The following SFMBT1 variants were observed in gnomAD, a reference collection of about 807,000 sequenced individuals.
SFMBT1 encodes the protein scm-like with four MBT domains protein 1.
In SFMBT1, 32 loss-of-function variants were observed where a neutral mutation model predicts 108.7. That is an observed-to-expected ratio of 0.29 (90% CI 0.22 to 0.40). SFMBT1 has a LOEUF of 0.40. Ranked by LOEUF, SFMBT1 falls within the 10% of genes least tolerant of loss-of-function variation. The pLI is 1.00. For missense variants in SFMBT1, 816 were observed against 1,059.6 expected (o/e 0.77, Z 3.19); for synonymous variants, 348 against 369.5 (o/e 0.94, Z 0.67).
intron 13 of SFMBT1, among the ~76,000 whole-genome samples, chr3:52,916,549 GTCC>G (rs1330972205): frequency 6.6e-6 from 1 of 151,534 alleles, no homozygotes; most frequent in Non-Finnish European, 1.5e-5. Flanking sequence ...GGCACCTGTA[GTCC>G]CAGCTACTAA....
Position 52,949,849 on chromosome 3 carries a change from G to C in SFMBT1, c.123+4468C>G, listed in dbSNP as rs552348753. On this transcript the variant is annotated intron_variant, in intron 3 of 20. Coordinates refer to ENST00000394752, the MANE Select transcript of SFMBT1 (RefSeq NM_016329.4). ...TCATCTCGGCCTCCCAAAGTGCTGG[G>C]ATTACAGGCGTAATGTCCTAACATT... 1.2e-4 allele frequency among the ~76,000 whole-genome samples: 19 copies of C among 152,222 alleles called. No homozygotes were observed. In the South Asian group the frequency reaches 3.7e-3, roughly 30 times the overall value.
chr3:52,903,885 G>A lies in SFMBT1; in HGVS notation c.*1251C>T, dbSNP rs1424929805. 2 of 152,184 alleles carry A rather than the reference G, an allele frequency of 1.3e-5. No individual in the cohort carries two copies. Among genetic ancestry groups the A allele is most frequent in the South Asian group, 2.1e-4 (1 of 4,824 alleles). 9.4% of individuals were successfully genotyped at this position (152,184 alleles called of 1,614,324 possible). A position where few individuals can be genotyped will look rare whatever the true frequency, so the allele number is the denominator to read the frequency against. ...AAAGACACACTTAAAAGAATACTGA[G>A]TTGTTTAAATGGGAATCCTCGGACT... On this transcript the variant is annotated 3_prime_UTR_variant, in exon 21 of 21. Transcript: ENST00000394752.
chr3:53,028,590 T>C (rs1028030024), intron 1 of SFMBT1, among the ~76,000 whole-genome samples: 1 of 151,660 alleles, frequency 6.6e-6, no homozygotes, highest in Non-Finnish European at 1.5e-5. Context: ...GGAAAACAGC[T>C]TGAGTCCAGG....
chr3:52,952,340 CTGTGCATCAG>C (rs1485219196), intron 3 of SFMBT1, among the ~76,000 whole-genome samples: 5 of 152,226 alleles, frequency 3.3e-5, no homozygotes, highest in African/African-American at 1.2e-4. Context: ...ACAACACTGA[CTGTGCATCAG>C]TGTCTTCACA....
chr3:52,985,972 G>T (rs144784456), intron 1 of SFMBT1, among the ~76,000 whole-genome samples: 1 of 151,444 alleles, frequency 6.6e-6, no homozygotes, highest in Non-Finnish European at 1.5e-5. Flanking sequence ...GTGAAACCCC[G>T]TCTCTACTAA....
At chr3:52,942,844 C>T (rs150364660) in intron 4 of SFMBT1, among the ~76,000 whole-genome samples, 1 of 152,326 alleles carries the variant, frequency 6.6e-6, no homozygotes, top group East Asian at 1.9e-4. Flanking sequence ...ATCCGGAGTC[C>T]TCTTATCTTT....
chr3:53,005,210 C>T (rs759427932), intron 1 of SFMBT1, among the ~76,000 whole-genome samples: 1 of 152,172 alleles, frequency 6.6e-6, no homozygotes, highest in Non-Finnish European at 1.5e-5. Context: ...GTTGGAAAAA[C>T]CTAACAGCAA....
At chr3:52,954,000 C>T (rs1031967207) in intron 3 of SFMBT1, among the ~76,000 whole-genome samples, 12 of 152,064 alleles carry the variant, frequency 7.9e-5, no homozygotes, top group South Asian at 2.1e-4. Context: ...TGGCAGGCGC[C>T]TGTAGTCCCA....
At chr3:52,989,603 A>T (rs939913270) in intron 1 of SFMBT1, among the ~76,000 whole-genome samples, 1 of 152,024 alleles carries the variant, frequency 6.6e-6, no homozygotes, top group Non-Finnish European at 1.5e-5. Flanking sequence ...GATAGAGAAC[A>T]GCCTGGCTAA....
chr3:52,967,497 G>T (rs1704186397), intron 2 of SFMBT1, among the ~76,000 whole-genome samples: 1 of 152,096 alleles, frequency 6.6e-6, no homozygotes, highest in Admixed American at 6.6e-5. Flanking sequence ...GGAAAACTTT[G>T]TGAATAGACT....
intron 1 of SFMBT1, among the ~76,000 whole-genome samples, chr3:53,043,479 C>T (rs571981909): frequency 8.5e-5 from 13 of 152,300 alleles, no homozygotes; most frequent in African/African-American, 3.1e-4. Context: ...CTTTAAGAAA[C>T]CAATTTTCAT....
intron 1 of SFMBT1, among the ~76,000 whole-genome samples, chr3:53,022,177 C>T (rs1575444315): frequency 1.3e-5 from 2 of 152,244 alleles, no homozygotes; most frequent in South Asian, 4.1e-4. Flanking sequence ...GGACTGGGTG[C>T]GGTGGTTCAC....
chr3:53,041,871 T>C (rs1700068986), intron 1 of SFMBT1, among the ~76,000 whole-genome samples: 1 of 152,152 alleles, frequency 6.6e-6, no homozygotes, highest in Admixed American at 6.5e-5. Context: ...ACTATGTATA[T>C]ACAGAAATAT....
chr3:52,966,113 C>G (rs1036821992), intron 2 of SFMBT1, among the ~76,000 whole-genome samples: 2 of 143,126 alleles, frequency 1.4e-5, no homozygotes, highest in African/African-American at 5.3e-5. Flanking sequence ...GTCAGGAAAT[C>G]GAGACCATCC....
intron 1 of SFMBT1, chr3:53,018,337 C>T (rs1699194267): frequency 6.6e-6 from 1 of 152,136 alleles, no homozygotes; most frequent in African/African-American, 2.4e-5. Flanking sequence ...CAAGAACTTC[C>T]TTTATTTTCC....
chr3:53,015,304 C>T (rs2106934542), intron 1 of SFMBT1, among the ~76,000 whole-genome samples: 1 of 149,110 alleles, frequency 6.7e-6, no homozygotes, highest in Middle Eastern at 3.4e-3. Flanking sequence ...TAGAGAATAA[C>T]AAGTGCTGTC....
In SFMBT1 at chr3:52,905,226, T is replaced by C. The variant is rs559568856; in HGVS notation, c.2511A>G (p.Glu837=). ...CAGGGCCCAATTTTAAGTCCATGCATTCTTGAACAGTGGGAAGGGTAAGGA... is the reference window on the plus strand; with the variant it reads ...CAGGGCCCAATTTTAAGTCCATGCACTCTTGAACAGTGGGAAGGGTAAGGA... The part of the protein sequence containing the change: ...LLLLTLPTVQ[E]CMDLKLGPAI... The change falls in exon 21 of 21, where the codon GAA becomes GAG. Residue 837 remains glutamate (E), a synonymous_variant. Coordinates refer to ENST00000394752, the MANE Select transcript of SFMBT1 (RefSeq NM_016329.4). 2 of 1,614,102 alleles carry C rather than the reference T, an allele frequency of 1.2e-6. No homozygotes were observed. Among genetic ancestry groups the C allele is most frequent in the Admixed American group, 1.7e-5 (1 of 60,020 alleles).
intron 1 of SFMBT1, among the ~76,000 whole-genome samples, chr3:53,032,215 T>C (rs997519719): frequency 5.9e-5 from 9 of 152,026 alleles, no homozygotes; most frequent in African/African-American, 7.2e-5. Flanking sequence ...ACTAAAAATA[T>C]AAAAGGTAGC....
intron 1 of SFMBT1, among the ~76,000 whole-genome samples, chr3:52,999,013 G>A (rs1028913396): frequency 6.6e-6 from 1 of 150,750 alleles, no homozygotes; most frequent in South Asian, 2.1e-4. Flanking sequence ...GCCGCCCTCG[G>A]CCCCTCCATC....
Sources: allele counts gnomAD v4.1 joint callset (sites outside exome capture counted in the v4.1 genomes callset), GRCh38; gene constraint gnomAD v4.1.1; transcripts MANE v1.5; gene names NCBI Gene and HGNC (gene_info 2026-07-23, HGNC 2026-07-21).